Variants in ART3 observed in about 807,000 individuals in gnomAD.
ART3 encodes the protein ADP-ribosyltransferase 3 (inactive), also known as ecto-ADP-ribosyltransferase 3.
ART3 carries 49 observed loss-of-function variants against 48.5 expected under a neutral mutation model. The observed-to-expected ratio is 1.01, with a 90% CI of 0.80 to 1.28. The LOEUF (loss-of-function observed/expected upper bound fraction) is 1.28. Ranked by LOEUF, ART3 falls within the 50% of genes most tolerant of loss-of-function variation. ART3 has a pLI of 0.00. For missense variants in ART3, 438 were observed against 454.3 expected (o/e 0.96, Z 0.33); for synonymous variants, 145 against 157.2 (o/e 0.92, Z 0.58).
At chr4:76,012,276 G>GAA (rs1048589348) in intron 1 of ART3, 1 of 152,100 alleles carries the variant, frequency 6.6e-6, no homozygotes, top group African/African-American at 2.4e-5. Context: ...TGTGAGAGGA[G>GAA]AAGTTTCTCT....
chr4:76,049,842 C>T (rs895530135), intron 1 of ART3, among the ~76,000 whole-genome samples: 6 of 151,868 alleles, frequency 4.0e-5, no homozygotes, highest in Admixed American at 6.6e-5. Flanking sequence ...AGAATGAAGC[C>T]GCGGACCCTC....
intron 1 of ART3, among the ~76,000 whole-genome samples, chr4:76,060,191 C>G (rs4621456): frequency 0.11 from 17,438 of 152,162 alleles, 1,229 homozygotes; most frequent in African/African-American, 0.19. Flanking sequence ...TTCTTCTTAA[C>G]CTACTGATGT....
At chr4:76,045,170 C>T (rs929200097) in intron 1 of ART3, among the ~76,000 whole-genome samples, 11 of 151,986 alleles carry the variant, frequency 7.2e-5, no homozygotes, top group Admixed American at 2.6e-4. Flanking sequence ...GAACTTCCAT[C>T]GGTATATAGG....
At chr4:76,097,738 A>C in intron 4 of ART3, 62 bp downstream of exon 4, 1 of 1,344,184 alleles carries the variant, frequency 7.4e-7, no homozygotes, top group Non-Finnish European at 1.1e-6. Flanking sequence ...TCTCATAGCT[A>C]TGGGTCAGAG....
chr4:76,078,842 A>G (rs1433436158), intron 2 of ART3, among the ~76,000 whole-genome samples: 1 of 152,208 alleles, frequency 6.6e-6, no homozygotes, highest in Admixed American at 6.5e-5. Context: ...GCACTTTGGG[A>G]GGCCGAGAAA....
In ART3 at chr4:76,081,830, G is replaced by C. The variant is rs1003204786; in HGVS notation, c.76G>C (p.Ala26Pro). The C allele has an allele frequency of 1.9e-6, 3 of 1,610,430 alleles. No homozygotes were observed. The highest frequency in any genetic ancestry group is 2.5e-6 in the Non-Finnish European group (3 of 1,177,486). Residue 26 changes from alanine to proline, a missense_variant, in exon 3 of 12, where the codon GCT becomes CCT. Ala to Pro is a conservative substitution (Grantham distance 27, BLOSUM62 -1). Around this residue, in one of 3 missense-constraint regions of ART3, gnomAD observed 206 missense variants for 205.3 expected, o/e 1.00. Coordinates refer to ENST00000355810, the MANE Select transcript of ART3 (RefSeq NM_001130016.3). ...ATTTCTTTTTCCTTTGAAGGTGAAG[G>C]CTGAAGTGTTAGACATGGCAGATAA... ...MILVDIFQVK[A>P]EVLDMADNAF... is the part of the protein sequence containing the mutation.
chr4:76,019,654 C>G (rs1732601418), intron 1 of ART3, among the ~76,000 whole-genome samples: 1 of 149,612 alleles, frequency 6.7e-6, no homozygotes, highest in African/African-American at 2.5e-5. Context: ...CAGGGTTTCA[C>G]CATGTTAGCC....
chr4:76,055,755 T>C (rs1718625090), intron 1 of ART3, among the ~76,000 whole-genome samples: 1 of 152,226 alleles, frequency 6.6e-6, no homozygotes, highest in Admixed American at 6.5e-5. Flanking sequence ...TTACATTTCA[T>C]TGAATAACAG....
At chr4:76,025,152 A>G (rs1279152850) in intron 1 of ART3, among the ~76,000 whole-genome samples, 1 of 152,068 alleles carries the variant, frequency 6.6e-6, no homozygotes, top group Non-Finnish European at 1.5e-5. Flanking sequence ...CACCTAGCAA[A>G]GAGGCGTTCG....
Position 76,097,705 on chromosome 4 carries a change from T to A in ART3, c.814+29T>A, listed in dbSNP as rs761184072. On this transcript the variant is annotated intron_variant, in intron 4 of 11. Transcript: ENST00000355810. ...AGATAGCTTTAAAGTCTTATCCCTA[T>A]AATAGGAATTTTATCAGTTACTTCT... 4.5e-6 allele frequency: 7 copies of A among 1,570,998 alleles called. No homozygotes were observed. The South Asian group carries it at 7.8e-5, about 18-fold the overall frequency.
chr4:76,035,441 G>T, intron 1 of ART3: 1 of 1,201,070 alleles, frequency 8.3e-7, no homozygotes, highest in Non-Finnish European at 1.2e-6. Flanking sequence ...TTCATTAAGG[G>T]TAAAGATAGT....
chr4:76,048,491 C>G (rs1385992676), intron 1 of ART3, among the ~76,000 whole-genome samples: 1 of 151,594 alleles, frequency 6.6e-6, no homozygotes, highest in African/African-American at 2.4e-5. Flanking sequence ...AAGGCAAAAC[C>G]ACCCGTGGTT....
In ART3 at chr4:76,023,306, T is replaced by G. The variant is rs568275340; in HGVS notation, c.-10+11986T>G. 62 of 1,272,912 alleles carry G rather than the reference T, an allele frequency of 4.9e-5. No homozygotes were observed. In the South Asian group the frequency reaches 7.0e-4, roughly 14 times the overall value. The allele number at this position is 1,272,912 out of a possible 1,614,324, so 78.9% of individuals were successfully genotyped here. A position where few individuals can be genotyped will look rare whatever the true frequency, so the allele number is the denominator to read the frequency against. ...TTTTACAAATACATTATTTCTGTATTTTTAGAATTTATACCTATTCCTATT... is the reference window on the plus strand; with the variant it reads ...TTTTACAAATACATTATTTCTGTATGTTTAGAATTTATACCTATTCCTATT... On this transcript the variant is annotated intron_variant, in intron 1 of 9. Transcript: ENST00000341029.
At position 76,034,584 on chromosome 4, in the gene ART3, GTCAT is replaced by G. The variant is rs1734174146; in HGVS notation, c.-10+23272_-10+23275del. ...TCCTTTGGGCAGTGGAATTCTGATTGTCATTCATTCAGGAAGACTGTATTTCTGT... is the reference window on the plus strand; with the variant it reads ...TCCTTTGGGCAGTGGAATTCTGATTGTCATTCAGGAAGACTGTATTTCTGT... On this transcript the variant is annotated intron_variant, in intron 1 of 9. Coordinates refer to the ART3 transcript ENST00000341029. 8.6e-6 allele frequency: 5 copies of G among 584,756 alleles called. No homozygotes were observed. In the South Asian group the frequency reaches 1.1e-4, roughly 13 times the overall value. 36.2% of individuals were successfully genotyped at this position (584,756 alleles called of 1,614,324 possible).
intron 1 of ART3, among the ~76,000 whole-genome samples, chr4:76,051,110 C>T (rs181519314): frequency 0.026 from 2,702 of 102,358 alleles, no homozygotes; most frequent in East Asian, 0.092. Flanking sequence ...TCCCACAGTG[C>T]AGCAGTGGGC....
intron 1 of ART3, among the ~76,000 whole-genome samples, chr4:76,042,286 T>C (rs1735043147): frequency 6.6e-6 from 1 of 152,212 alleles, no homozygotes; most frequent in Non-Finnish European, 1.5e-5. Context: ...AATAATATAT[T>C]GCCTGACAAA....
At chr4:76,066,938 C>T (rs2149492691) in intron 1 of ART3, among the ~76,000 whole-genome samples, 1 of 152,270 alleles carries the variant, frequency 6.6e-6, no homozygotes, top group African/African-American at 2.4e-5. Context: ...GGGGCCTTCC[C>T]AGGCCCCCAA....
intron 8 of ART3, among the ~76,000 whole-genome samples, chr4:76,103,354 CCT>C (rs1425330035): frequency 6.6e-6 from 1 of 151,524 alleles, no homozygotes; most frequent in Non-Finnish European, 1.5e-5. Flanking sequence ...TCAGCGAGAC[CCT>C]GTCTCTCAAA....
At chr4:76,036,811 CT>C in intron 1 of ART3, 1 of 251,862 alleles carries the variant, frequency 4.0e-6, no homozygotes, top group South Asian at 6.2e-5. Flanking sequence ...CTCCTCCTGC[CT>C]TCTCTTGGTG....
Sources: allele counts gnomAD v4.1 joint callset (sites outside exome capture counted in the v4.1 genomes callset), GRCh38; gene constraint gnomAD v4.1.1; regional missense constraint gnomAD v4.1.1; transcripts MANE v1.5; gene names NCBI Gene and HGNC (gene_info 2026-07-23, HGNC 2026-07-21).